The following ADGRF3 variants were observed in gnomAD, a reference collection of about 807,000 sequenced individuals.
ADGRF3 encodes adhesion G protein-coupled receptor F3.
ADGRF3 carries 85 observed loss-of-function variants against 93.2 expected under a neutral mutation model. The observed-to-expected ratio is 0.91, with a 90% confidence interval of 0.77 to 1.09. The LOEUF is 1.09. ADGRF3 is among the 50% of genes least tolerant of loss of function. ADGRF3 has a pLI of 0.00. For missense variants in ADGRF3, 1,125 were observed against 1,246.2 expected (o/e 0.90, Z 1.46); for synonymous variants, 534 against 532.5 (o/e 1.00, Z -0.04).
intron 1 of ADGRF3, among the ~76,000 whole-genome samples, chr2:26,331,774 A>G (rs1195617719): frequency 6.6e-6 from 1 of 152,142 alleles, no homozygotes; most frequent in Non-Finnish European, 1.5e-5. Flanking sequence ...GAAACAAACA[A>G]AAAACCTTTA....
At chr2:26,313,320 A>C in intron 8 of ADGRF3, 57 bp downstream of exon 8, 3 of 1,481,858 alleles carry the variant, frequency 2.0e-6, no homozygotes, top group Non-Finnish European at 2.7e-6. Context: ...GCTGGGTCCT[A>C]GAGAGGCTAG....
chr2:26,311,265 G>A lies in ADGRF3; in HGVS notation c.2259C>T (p.Ala753=), dbSNP rs58614509. 1,253 of 1,613,114 alleles carry A rather than the reference G, an allele frequency of 7.8e-4. 12 individuals are homozygous for A. The East Asian group carries it at 0.021, about 27-fold the overall frequency. ...ALLNMVFCLL[A]ADTCFLGAPF... ...GGGCGCCCAGGAAGCAAGTGTCTGC[G>A]GCCAGCAAGCAGAACACCATGTTGA... The change falls in exon 10 of 14, where the codon GCC becomes GCT. Residue 753 remains alanine, a synonymous_variant. Coordinates refer to ENST00000651242, the MANE Select transcript of ADGRF3 (RefSeq NM_001321971.2).
At chr2:26,334,631 C>T (rs1283231982) in intron 1 of ADGRF3, among the ~76,000 whole-genome samples, 1 of 152,062 alleles carries the variant, frequency 6.6e-6, no homozygotes, top group Non-Finnish European at 1.5e-5. Context: ...TGTTGATGTT[C>T]ACATTGAGTC....
At chr2:26,313,596 T>C (rs906416687) in intron 7 of ADGRF3, 23 bp from the exon 8 acceptor site, 34 of 1,591,400 alleles carry the variant, frequency 2.1e-5, no homozygotes, top group Admixed American at 3.4e-5. Context: ...GAGCAGGCGC[T>C]ACTCAGCAAT....
At position 26,313,752 on chromosome 2, in the gene ADGRF3, C is replaced by T. The variant is rs1674406919; in HGVS notation, c.1072+8G>A. ...GGACCAGCCCACTGGGCCCCAGGCC[C>T]TGCGTACCCTGGATGATGGTGATGG... On this transcript the variant is annotated splice_region_variant and intron_variant, in intron 7 of 13. Coordinates refer to ENST00000651242, the MANE Select transcript of ADGRF3 (RefSeq NM_001321971.2). 3 of 1,613,606 alleles carry T rather than the reference C, an allele frequency of 1.9e-6. No homozygotes were observed. Among genetic ancestry groups the T allele is most frequent in the Non-Finnish European group, 1.7e-6 (2 of 1,179,806 alleles).
At chr2:26,339,734 G>T (rs1160294761) in intron 1 of ADGRF3, among the ~76,000 whole-genome samples, 1 of 152,014 alleles carries the variant, frequency 6.6e-6, no homozygotes, top group Non-Finnish European at 1.5e-5. Context: ...AAGTTCCGGG[G>T]GCTAATCTTG....
chr2:26,326,679 G>T (rs921583140), intron 1 of ADGRF3, among the ~76,000 whole-genome samples: 1 of 152,152 alleles, frequency 6.6e-6, no homozygotes, highest in African/African-American at 2.4e-5. Context: ...CTTGTACTGA[G>T]AACCTATTGT....
chr2:26,318,845 C>G, intron 1 of ADGRF3: 2 of 1,487,140 alleles, frequency 1.3e-6, no homozygotes, highest in Non-Finnish European at 1.8e-6. Context: ...ACATTACTTC[C>G]TCTCCCCTCA....
intron 1 of ADGRF3, among the ~76,000 whole-genome samples, chr2:26,330,724 G>A (rs1675723590): frequency 6.6e-6 from 1 of 152,264 alleles, no homozygotes; most frequent in Admixed American, 6.5e-5. Flanking sequence ...CCAGACCTAG[G>A]GGGTTTCTTC....
rs866642039 is a variant in ADGRF3 at position 26,311,979 on chromosome 2, G to C, written c.1545C>G (p.Leu515=). 6.2e-6 allele frequency: 10 copies of C among 1,613,622 alleles called. No individual in the cohort carries two copies. In the Middle Eastern group the frequency reaches 1.5e-3, roughly 244 times the overall value. Residue 515 remains leucine, a synonymous_variant, in exon 10 of 14, where the codon CTC becomes CTG. Transcript: ENST00000651242. ...ATGCCAGGGTCTCCACAGCCAGCAGGAGAGTCGAGCCTGCCCAGGGCTTCC... is the reference window on the plus strand; with the variant it reads ...ATGCCAGGGTCTCCACAGCCAGCAGCAGAGTCGAGCCTGCCCAGGGCTTCC... ...QARKPWAGST[L]LLAVETLACS... is the part of the protein sequence containing the mutation.
Position 26,309,077 on chromosome 2 carries a change from G to T in ADGRF3, c.*9C>A. 6.2e-7 allele frequency: 1 copy of T among 1,613,998 alleles called. No homozygotes were observed. Among genetic ancestry groups the T allele is most frequent in the Non-Finnish European group, 8.5e-7 (1 of 1,179,894 alleles). On this transcript the variant is annotated 3_prime_UTR_variant, in exon 14 of 14. Transcript: ENST00000651242. ...AACTCCCTTGCAGGAACATGGGTCC[G>T]TGTGTGGTTCACTCTGAAGCATCTG...
At chr2:26,319,298 G>A (rs1012768939) in intron 1 of ADGRF3, among the ~76,000 whole-genome samples, 2 of 152,178 alleles carry the variant, frequency 1.3e-5, no homozygotes, top group African/African-American at 4.8e-5. Flanking sequence ...AAAGCTCCGA[G>A]AGCAGGAGAG....
rs745441953 is a variant in ADGRF3, at chr2:26,314,617, T to A, written c.725A>T (p.Tyr242Phe). Residue 242 changes from tyrosine (Y) to phenylalanine (F), a missense_variant, in exon 6 of 14, where the codon TAC (tyrosine) becomes TTC (phenylalanine). Coordinates refer to ENST00000651242, the MANE Select transcript of ADGRF3 (RefSeq NM_001321971.2). ...GCCCTGGGCCTCGAAGCAGCTCATG[T>A]ACTCACCTGCAGAAACGTGTGTGCG... ...SNMSHHWAGE[Y>F]MSCFEAQGFK... 1.2e-6 allele frequency: 2 copies of A among 1,613,742 alleles called. No homozygotes were observed. The highest frequency in any genetic ancestry group is 2.2e-5 in the South Asian group (2 of 91,056).
chr2:26,311,055 G>A lies in ADGRF3; in HGVS notation c.2469C>T (p.Tyr823=). The A allele has an allele frequency of 1.9e-6, 3 of 1,609,538 alleles. No homozygotes were observed. Among genetic ancestry groups the A allele is most frequent in the Middle Eastern group, 1.7e-4 (1 of 6,056 alleles). ...CACCTGCCAACCCCAGTGGGCACAG[G>A]TAGCCCAGGAGCACCATGAGGGGGA... is the stretch of plus-strand genomic sequence containing the variant. ...RVLPLMVLLG[Y]LCPLGLAGVT... Residue 823 remains tyrosine (Y), a synonymous_variant, in exon 10 of 14, where the codon TAC becomes TAT. Transcript: ENST00000651242.
chr2:26,318,976 G>A, intron 1 of ADGRF3: 1 of 1,551,762 alleles, frequency 6.4e-7, no homozygotes, highest in Non-Finnish European at 8.7e-7. Flanking sequence ...AGGTTGGGAT[G>A]CTTGGGCAAC....
At chr2:26,335,290 C>G (rs1373946969) in intron 1 of ADGRF3, among the ~76,000 whole-genome samples, 1 of 152,200 alleles carries the variant, frequency 6.6e-6, no homozygotes, top group East Asian at 1.9e-4. Flanking sequence ...GAACCATACA[C>G]TATATGGCCA....
rs1316970244 is a variant in ADGRF3 at position 26,311,029 on chromosome 2, AC to A, written c.2494del (p.Val832SerfsTer13). 7 of 1,611,724 alleles carry A rather than the reference AC, an allele frequency of 4.3e-6. No homozygotes were observed. Among genetic ancestry groups the A allele is most frequent in the Non-Finnish European group, 5.9e-6 (7 of 1,178,990 alleles). On this transcript the variant is annotated frameshift_variant, in exon 10 of 14. Coordinates refer to ENST00000651242, the MANE Select transcript of ADGRF3 (RefSeq NM_001321971.2). LOFTEE classifies it high-confidence loss of function. ...GYLCPLGLAG[V>X]TLGLYLPQGQ... is the part of the protein sequence containing the mutation. ...TTGAGGTAGGTAGAGCCCCAGGGTGACACCTGCCAACCCCAGTGGGCACAGG... is the reference window on the plus strand; with the variant it reads ...TTGAGGTAGGTAGAGCCCCAGGGTGAACCTGCCAACCCCAGTGGGCACAGG...
chr2:26,315,777 G>A (rs1430556399), intron 4 of ADGRF3, 37 bp from the exon 5 acceptor site: 1 of 1,549,950 alleles, frequency 6.5e-7, no homozygotes, highest in Non-Finnish European at 8.7e-7. Flanking sequence ...CCTGGAGGAG[G>A]GACTTATGGC....
In ADGRF3 at chr2:26,311,018, G is replaced by C. The variant is rs904235590; in HGVS notation, c.2506C>G (p.Leu836Val). 11 of 1,612,310 alleles carry C rather than the reference G, an allele frequency of 6.8e-6. No homozygotes were observed. The highest frequency in any genetic ancestry group is 9.3e-6 in the Non-Finnish European group (11 of 1,179,326). ...PLGLAGVTLG[L>V]YLPQGQYLRE... The stretch of plus-strand genomic sequence containing the variant: ...AGGTATTGCCCTTGAGGTAGGTAGA[G>C]CCCCAGGGTGACACCTGCCAACCCC... The change falls in exon 10 of 14, where the codon CTC (leucine) becomes GTC (valine). Residue 836 changes from leucine to valine, a missense_variant. Physicochemically the swap from Leu to Val is conservative, Grantham distance 32. Coordinates refer to ENST00000651242, the MANE Select transcript of ADGRF3 (RefSeq NM_001321971.2).
Sources: allele counts gnomAD v4.1 joint callset (sites outside exome capture counted in the v4.1 genomes callset), GRCh38; gene constraint gnomAD v4.1.1; transcripts MANE v1.5; gene names NCBI Gene and HGNC (gene_info 2026-07-23, HGNC 2026-07-21).